Variants in RNF216 observed in about 807,000 individuals in gnomAD.
The protein encoded by RNF216 is ring finger protein 216.
RNF216 carries 72 observed loss-of-function variants against 110.8 expected under a neutral mutation model. That is an observed-to-expected ratio of 0.65 (90% CI 0.54 to 0.79). The LOEUF (loss-of-function observed/expected upper bound fraction) is 0.79. Ranked by LOEUF, RNF216 falls within the 30% of genes least tolerant of loss-of-function variation. The pLI, the probability that RNF216 is intolerant of heterozygous loss-of-function variation, is 0.00. For missense variants in RNF216, 1,342 were observed against 1,141.2 expected, an observed-to-expected ratio of 1.18 and a Z score of -2.54; for synonymous variants, 495 against 407.5, an observed-to-expected ratio of 1.21 and a Z score of -2.59.
intron 16 of RNF216, 39 bp from the exon 17 acceptor site, chr7:5,623,218 A>G (rs1458066772): frequency 6.6e-6 from 10 of 1,514,130 alleles, no homozygotes; most frequent in Non-Finnish European, 8.9e-6. Flanking sequence ...AAAACATTAA[A>G]CCAACCTCAA....
Position 5,622,364 on chromosome 7 carries a change from C to G in RNF216, c.*496G>C, listed in dbSNP as rs1007311948. ...TTGGATGGGGGGACAGCATCTTGGC[C>G]CTCACAGCTGTGGCAGTGCCTCTGC... On this transcript the variant is annotated 3_prime_UTR_variant, in exon 17 of 17. Transcript: ENST00000389902. 1 of 156,146 alleles carries G rather than the reference C, an allele frequency of 6.4e-6. No individual in the cohort carries two copies. The highest frequency in any genetic ancestry group is 1.9e-4 in the East Asian group (1 of 5,266). The allele number at this position is 156,146 out of a possible 1,614,324, so 9.7% of individuals were successfully genotyped here.
Position 5,711,758 on chromosome 7 carries a change from T to TA in RNF216, c.2061+2dup, listed in dbSNP as rs1438827416. 2 of 1,612,168 alleles carry TA rather than the reference T, an allele frequency of 1.2e-6. No homozygotes were observed. Among genetic ancestry groups the TA allele is most frequent in the Non-Finnish European group, 1.7e-6 (2 of 1,179,094 alleles). The stretch of plus-strand genomic sequence containing the variant: ...ACATCTAGAAAAAAATGTGCCTCCC[T>TA]ACCTTTCGGCAGTGAGGATTAGGAC... On this transcript the variant is annotated splice_region_variant and intron_variant, in intron 13 of 16. Transcript: ENST00000389902.
rs1789454472 is a variant in RNF216 at position 5,665,578 on chromosome 7, T to A, written c.2062-13068A>T. Among the ~76,000 whole-genome samples the A allele has an allele frequency of 2.0e-5, 3 of 152,070 alleles. No individual in the cohort carries two copies. In the South Asian group the frequency reaches 6.2e-4, roughly 32 times the overall value. The stretch of plus-strand genomic sequence containing the variant: ...ATGCTGCCCCCTAGGGATGGAAAGT[T>A]ACAAGGCACCGAGACACCAGCTTGA... On this transcript the variant is annotated intron_variant, in intron 13 of 16. Transcript: ENST00000389902.
At chr7:5,728,579 AAAAAAGAAAAAG>A (rs571781687) in intron 7 of RNF216, among the ~76,000 whole-genome samples, 20 of 152,080 alleles carry the variant, frequency 1.3e-4, no homozygotes, top group African/African-American at 3.1e-4. Context: ...GTCTCAAAAA[AAAAAAGAAAAAG>A]AAAAAGAAAA....
intron 5 of RNF216, among the ~76,000 whole-genome samples, chr7:5,734,865 T>TAAAA (rs1794303838): frequency 2.0e-5 from 3 of 148,420 alleles, no homozygotes; most frequent in Admixed American, 2.0e-4. Context: ...AATAAATAAA[T>TAAAA]AAAAGGTTTG....
In RNF216 at chr7:5,680,436, C is replaced by G. The variant is rs1790577372; in HGVS notation, c.2062-27926G>C. ...TGTTGTTGTTGAGACGGAGTCTTGC[C>G]CTGTCGCCAGCCTGGAGAGCAGTGG... On this transcript the variant is annotated intron_variant, in intron 13 of 16. Coordinates refer to ENST00000389902, the MANE Select transcript of RNF216 (RefSeq NM_207111.4). The surrounding 1 kb of genome is among the most constrained non-coding windows in gnomAD (Gnocchi z 4.3). 1 of 152,142 alleles carries G rather than the reference C, an allele frequency of 6.6e-6. No individual in the cohort carries two copies. Among genetic ancestry groups the G allele is most frequent in the African/African-American group, 2.4e-5 (1 of 41,412 alleles). The allele number at this position is 152,142 out of a possible 1,614,324, so 9.4% of individuals were successfully genotyped here. A position where few individuals can be genotyped will look rare whatever the true frequency, so the allele number is the denominator to read the frequency against.
rs144374257 is a variant in RNF216 at position 5,694,573 on chromosome 7, A to G, written c.2061+17188T>C. On this transcript the variant is annotated intron_variant, in intron 13 of 16. Transcript: ENST00000389902. ...GTCAGAATTAAGGTAAGTTTAAACG[A>G]CAAAACAAATCTCAGTTCTTGTTTA... is the stretch of plus-strand genomic sequence containing the variant. Among the ~76,000 whole-genome samples, 13 of 152,362 alleles carry G rather than the reference A, an allele frequency of 8.5e-5. No homozygotes were observed. The East Asian group carries it at 2.5e-3, about 29-fold the overall frequency.
intron 3 of RNF216, among the ~76,000 whole-genome samples, chr7:5,745,996 C>A (rs1795011324): frequency 6.6e-6 from 1 of 151,762 alleles, no homozygotes; most frequent in South Asian, 2.1e-4. Context: ...GAGATCCTTA[C>A]ACTAAATTTG....
chr7:5,712,848 T>C lies in RNF216; in HGVS notation c.1849A>G (p.Met617Val), dbSNP rs200769983. 9.9e-6 allele frequency: 16 copies of C among 1,612,756 alleles called. No homozygotes were observed. Among genetic ancestry groups the C allele is most frequent in the Middle Eastern group, 1.6e-4 (1 of 6,076 alleles). The change falls in exon 12 of 17, where the codon ATG (methionine) becomes GTG (valine). Residue 617 changes from methionine (M) to valine (V), a missense_variant. By Grantham distance (21) the Met-to-Val change is conservative. Coordinates refer to ENST00000389902, the MANE Select transcript of RNF216 (RefSeq NM_207111.4). Reference protein sequence around the residue: ...FGSGKLELSCMEGSCTCSFPT... With the variant: ...FGSGKLELSCVEGSCTCSFPT... The stretch of plus-strand genomic sequence containing the variant: ...AACGAACACGTGCAGCTGCCTTCCA[T>C]GCAGCTGAGCTCCAACTAGAAAAAG...
At chr7:5,737,569 T>C (rs1794499593) in intron 5 of RNF216, among the ~76,000 whole-genome samples, 1 of 151,806 alleles carries the variant, frequency 6.6e-6, no homozygotes, top group African/African-American at 2.4e-5. Flanking sequence ...ATAAATCTGA[T>C]GACAGTGGTT....
intron 15 of RNF216, among the ~76,000 whole-genome samples, chr7:5,639,261 A>C (rs1383600679): frequency 1.3e-5 from 2 of 152,234 alleles, no homozygotes; most frequent in Middle Eastern, 3.4e-3. Context: ...CTTTTCAGAC[A>C]ATGACCTCAT....
rs372318107 is a variant in RNF216, at chr7:5,742,107, T to C, written c.202-292A>G. ...TGCTACCCAGGCTGGAGTGCAATGG[T>C]GCGATCTCGGCTCACTGCAACCTCT... On this transcript the variant is annotated intron_variant, in intron 3 of 16. Coordinates refer to ENST00000389902, the MANE Select transcript of RNF216 (RefSeq NM_207111.4). Among the ~76,000 whole-genome samples the C allele has an allele frequency of 9.9e-5, 15 of 152,028 alleles. No homozygotes were observed. In the East Asian group the frequency reaches 1.9e-3, roughly 20 times the overall value.
intron 13 of RNF216, among the ~76,000 whole-genome samples, chr7:5,674,561 G>A (rs892182410): frequency 1.1e-4 from 16 of 151,882 alleles, no homozygotes; most frequent in Admixed American, 2.6e-4. Flanking sequence ...CCAGGAGGTC[G>A]AGGCTGCAGT....
chr7:5,678,430 C>T lies in RNF216; in HGVS notation c.2062-25920G>A, dbSNP rs114205736. Reference sequence around the variant, plus strand: ...AGGACTGACCTACGTTACCACCTCCCCAAGCGCAGAGAAAAATGAGATTCA... The same window carrying T: ...AGGACTGACCTACGTTACCACCTCCTCAAGCGCAGAGAAAAATGAGATTCA... On this transcript the variant is annotated intron_variant, in intron 13 of 16. Coordinates refer to ENST00000389902, the MANE Select transcript of RNF216 (RefSeq NM_207111.4). 3.7e-3 allele frequency among the ~76,000 whole-genome samples: 563 copies of T among 152,290 alleles called. 1 individual carries two copies. The highest frequency in any genetic ancestry group is 0.013 in the African/African-American group (549 of 41,560).
At chr7:5,733,405 C>T (rs1299772288) in intron 5 of RNF216, among the ~76,000 whole-genome samples, 1 of 152,088 alleles carries the variant, frequency 6.6e-6, no homozygotes, top group Non-Finnish European at 1.5e-5. Flanking sequence ...GAGAAGGTAT[C>T]AATTTGATTA....
chr7:5,645,930 A>C, intron 14 of RNF216, among the ~76,000 whole-genome samples: 1 of 152,076 alleles, frequency 6.6e-6, no homozygotes, highest in Non-Finnish European at 1.5e-5. Context: ...TTGTTCATAC[A>C]CTGTGCTCCT....
At chr7:5,709,844 T>C (rs1792551499) in intron 13 of RNF216, among the ~76,000 whole-genome samples, 2 of 152,168 alleles carry the variant, frequency 1.3e-5, no homozygotes, top group South Asian at 2.1e-4. Context: ...AGCCTCAATC[T>C]CCTGGGCTCA....
intron 13 of RNF216, among the ~76,000 whole-genome samples, chr7:5,667,313 G>C (rs1443435478): frequency 2.0e-5 from 3 of 151,972 alleles, no homozygotes; most frequent in African/African-American, 7.3e-5. Context: ...CTTACTATAG[G>C]TCACAAACAA....
intron 13 of RNF216, among the ~76,000 whole-genome samples, chr7:5,691,560 C>T (rs571496169): frequency 8.1e-4 from 124 of 152,260 alleles, no homozygotes; most frequent in African/African-American, 2.9e-3. Flanking sequence ...GTGAGAAAAA[C>T]AGAGTATGTG....
Sources: gnomAD v4.1 joint callset for allele counts (sites outside exome capture counted in the v4.1 genomes callset) on GRCh38, gnomAD v4.1.1 for gene constraint, Gnocchi (gnomAD v3.1) non-coding constraint, MANE v1.5 for transcripts, NCBI Gene and HGNC (gene_info 2026-07-23, HGNC 2026-07-21) for gene names.